Variants in DISP1 observed in about 807,000 individuals in gnomAD.
DISP1 encodes protein dispatched homolog 1.
Under a neutral mutation model 37.3 loss-of-function variants are expected in DISP1, and 30 were observed. That is an observed-to-expected ratio of 0.80 (90% CI 0.60 to 1.09). The LOEUF is 1.09. Among genes scored for constraint, DISP1 ranks in the 50% least tolerant of loss-of-function variants. The pLI is 0.00. For synonymous variants in DISP1, 634 were observed against 690.2 expected (o/e 0.92, Z 1.28); for missense variants, 1,598 against 1,879.5 (o/e 0.85, Z 2.77).
chr1:222,918,618 A>C (rs144367735), intron 1 of DISP1, among the ~76,000 whole-genome samples: 34 of 152,216 alleles, frequency 2.2e-4, no homozygotes, highest in Admixed American at 2.2e-3. Flanking sequence ...CCACTTGTGC[A>C]GTGCAGATTG....
intron 3 of DISP1, among the ~76,000 whole-genome samples, chr1:222,963,375 G>A (rs1424767496): frequency 6.6e-6 from 1 of 152,152 alleles, no homozygotes; most frequent in Non-Finnish European, 1.5e-5. Flanking sequence ...GATTCCTCAA[G>A]GATCTAAAAC....
At chr1:222,877,494 C>T (rs1036204090) in intron 1 of DISP1, among the ~76,000 whole-genome samples, 9 of 152,142 alleles carry the variant, frequency 5.9e-5, no homozygotes, top group Non-Finnish European at 1.2e-4. Flanking sequence ...AGGGTCCCTC[C>T]CACACACTTG....
At chr1:222,823,802 G>A (rs1036802080) in intron 1 of DISP1, 10 of 147,118 alleles carry the variant, frequency 6.8e-5, no homozygotes, top group Non-Finnish European at 1.5e-4. Flanking sequence ...CCTTGTTTAC[G>A]TTGTTGCTTC....
intron 1 of DISP1, among the ~76,000 whole-genome samples, chr1:222,920,715 CTT>C (rs773827550): frequency 4.6e-5 from 7 of 152,022 alleles, no homozygotes; most frequent in Non-Finnish European, 1.0e-4. Flanking sequence ...ATTAGTCAGA[CTT>C]TTTTCTTCAC....
At chr1:222,928,036 T>C (rs185936220) in intron 1 of DISP1, among the ~76,000 whole-genome samples, 1 of 152,344 alleles carries the variant, frequency 6.6e-6, no homozygotes, top group Admixed American at 6.5e-5. Flanking sequence ...ATTTGTGTTA[T>C]TTTAAATGTA....
At chr1:222,820,767 T>A (rs558026624) in intron 1 of DISP1, among the ~76,000 whole-genome samples, 2 of 152,272 alleles carry the variant, frequency 1.3e-5, no homozygotes, top group Non-Finnish European at 2.9e-5. Flanking sequence ...TTATAGGAAA[T>A]ACAAGATAAT....
rs138368379 is a variant in DISP1 at position 222,987,461 on chromosome 1, G to T, written c.540-3164G>T. On this transcript the variant is annotated intron_variant, in intron 4 of 8. Transcript: ENST00000675850. ...TGTAAGGAAGTGGAATTGTAATATA[G>T]TGAGGTTAAACGTGTTTGGAAGAAA... 2.8e-3 allele frequency among the ~76,000 whole-genome samples: 427 copies of T among 152,320 alleles called. 2 individuals carry two copies. Among genetic ancestry groups the T allele is most frequent in the African/African-American group, 9.9e-3 (413 of 41,568 alleles).
At chr1:222,837,804 C>CA (rs1473765423) in intron 1 of DISP1, among the ~76,000 whole-genome samples, 5 of 151,626 alleles carry the variant, frequency 3.3e-5, no homozygotes, top group African/African-American at 1.2e-4. Flanking sequence ...TAATTAAGAC[C>CA]AAAAAACCAT....
intron 2 of DISP1, among the ~76,000 whole-genome samples, chr1:222,934,206 C>G (rs1673576988): frequency 6.6e-6 from 1 of 151,950 alleles, no homozygotes; most frequent in Non-Finnish European, 1.5e-5. Context: ...AGTGGAAAAG[C>G]CTTACCTTTA....
intron 3 of DISP1, among the ~76,000 whole-genome samples, chr1:222,978,834 T>C (rs935877021): frequency 1.3e-5 from 2 of 152,210 alleles, no homozygotes; most frequent in Non-Finnish European, 2.9e-5. Context: ...TAGTTGTAGA[T>C]ATGTGGCATT....
At chr1:222,875,417 T>C (rs989297864) in intron 1 of DISP1, among the ~76,000 whole-genome samples, 1 of 152,140 alleles carries the variant, frequency 6.6e-6, no homozygotes, top group Non-Finnish European at 1.5e-5. Flanking sequence ...TAAAATATAC[T>C]ACAAATTATT....
At chr1:222,890,417 C>T (rs1222408492) in intron 1 of DISP1, among the ~76,000 whole-genome samples, 2 of 152,100 alleles carry the variant, frequency 1.3e-5, no homozygotes, top group Non-Finnish European at 2.9e-5. Context: ...AGTACCTGAG[C>T]TGATCTACTT....
At chr1:222,951,012 C>G (rs573538441) in intron 3 of DISP1, among the ~76,000 whole-genome samples, 1 of 152,242 alleles carries the variant, frequency 6.6e-6, no homozygotes, top group Admixed American at 6.5e-5. Flanking sequence ...GATAGGGAAC[C>G]TGTGATATTT....
At chr1:222,889,295 G>T (rs540040047) in intron 1 of DISP1, among the ~76,000 whole-genome samples, 1 of 152,086 alleles carries the variant, frequency 6.6e-6, no homozygotes, top group East Asian at 1.9e-4. Context: ...TGAAAGCCAG[G>T]GTTTTGCTTG....
intron 3 of DISP1, 180 bp downstream of exon 3, chr1:222,943,512 G>A (rs1203293818): frequency 6.5e-6 from 5 of 765,796 alleles, no homozygotes; most frequent in East Asian, 5.4e-5. Context: ...ACTGTATATC[G>A]ATTTTATCCA....
intron 1 of DISP1, among the ~76,000 whole-genome samples, chr1:222,896,152 G>GA (rs760919631): frequency 1.1e-4 from 16 of 151,984 alleles, no homozygotes; most frequent in Non-Finnish European, 1.9e-4. Flanking sequence ...CTCTACAAAT[G>GA]AAAAAAATTA....
intron 1 of DISP1, among the ~76,000 whole-genome samples, chr1:222,864,885 C>T (rs1669092596): frequency 6.6e-6 from 1 of 152,186 alleles, no homozygotes; most frequent in Non-Finnish European, 1.5e-5. Flanking sequence ...CCTTAAGACT[C>T]ATTCCCAAAT....
At chr1:222,958,510 A>G (rs1336626935) in intron 3 of DISP1, among the ~76,000 whole-genome samples, 7 of 152,216 alleles carry the variant, frequency 4.6e-5, no homozygotes, top group Non-Finnish European at 8.8e-5. Flanking sequence ...ACATTTGTAA[A>G]TTTAAGGTGT....
At chr1:222,999,022 T>C (rs73130653) in intron 8 of DISP1, among the ~76,000 whole-genome samples, 2,355 of 152,214 alleles carry the variant, frequency 0.015, 58 homozygotes, top group African/African-American at 0.053. Context: ...TTTCCTCCCT[T>C]TTGTTCTTTT....
Sources: allele counts gnomAD v4.1 joint callset (sites outside exome capture counted in the v4.1 genomes callset), GRCh38; gene constraint gnomAD v4.1.1; transcripts MANE v1.5; gene names NCBI Gene and HGNC (gene_info 2026-07-23, HGNC 2026-07-21).